Variants in ENTREP2 observed in about 807,000 individuals in gnomAD.
ENTREP2 encodes the protein protein ENTREP2.
the ENTREP2 span, among the ~76,000 whole-genome samples, chr15:29,440,702 C>T: frequency 1.3e-5 from 2 of 152,172 alleles, no homozygotes; most frequent in African/African-American, 4.8e-5. Context: ...TGACAAGGGG[C>T]CTCCCTGCCT....
the ENTREP2 span, among the ~76,000 whole-genome samples, chr15:29,364,797 T>C: frequency 6.6e-6 from 1 of 152,144 alleles, no homozygotes; most frequent in Non-Finnish European, 1.5e-5. Context: ...CAGCAAAAGT[T>C]AGCAAAAGGT....
At chr15:29,249,858 A>C in the ENTREP2 span, among the ~76,000 whole-genome samples, 1 of 152,106 alleles carries the variant, frequency 6.6e-6, no homozygotes, top group Admixed American at 6.5e-5. Flanking sequence ...ATCATGGTGG[A>C]AAGTGAAGGG....
chr15:29,507,978 A>G, the ENTREP2 span, among the ~76,000 whole-genome samples: 2 of 152,116 alleles, frequency 1.3e-5, no homozygotes, highest in African/African-American at 4.8e-5. Flanking sequence ...ATTTTTTGAA[A>G]AGATTAATAA....
At chr15:29,205,128 C>T in the ENTREP2 span, among the ~76,000 whole-genome samples, 1 of 152,198 alleles carries the variant, frequency 6.6e-6, no homozygotes, top group Admixed American at 6.5e-5. Flanking sequence ...AAGGTTCATC[C>T]ATGTGGTAGC....
At chr15:29,605,520 A>G in the ENTREP2 span, among the ~76,000 whole-genome samples, 1 of 152,300 alleles carries the variant, frequency 6.6e-6, no homozygotes, top group South Asian at 2.1e-4. Flanking sequence ...TCATTTTTTA[A>G]AAGTCATTTT....
At chr15:29,485,260 T>C in the ENTREP2 span, among the ~76,000 whole-genome samples, 1 of 152,206 alleles carries the variant, frequency 6.6e-6, no homozygotes, top group Non-Finnish European at 1.5e-5. Flanking sequence ...TGTTTTCATC[T>C]ACCCAAATCC....
chr15:29,174,561 C>G, the ENTREP2 span, among the ~76,000 whole-genome samples: 1 of 152,062 alleles, frequency 6.6e-6, no homozygotes, highest in African/African-American at 2.4e-5. Context: ...TGGTGGCGGG[C>G]GCCTGTATTC....
At chr15:29,455,015 T>C in the ENTREP2 span, among the ~76,000 whole-genome samples, 1 of 152,196 alleles carries the variant, frequency 6.6e-6, no homozygotes, top group Admixed American at 6.5e-5. Flanking sequence ...CGTCTCCACC[T>C]GGGGTAGCTC....
At chr15:29,251,478 G>A in the ENTREP2 span, among the ~76,000 whole-genome samples, 2,423 of 152,328 alleles carry the variant, frequency 0.016, 83 homozygotes, top group African/African-American at 0.055. Flanking sequence ...GGACGGCTTC[G>A]AATGAGGCCC....
At chr15:29,337,134 C>A in the ENTREP2 span, among the ~76,000 whole-genome samples, 443 of 152,260 alleles carry the variant, frequency 2.9e-3, no homozygotes, top group Non-Finnish European at 4.5e-3. Context: ...ATTATGAATT[C>A]CCTGCAGCGT....
chr15:29,271,928 G>A, the ENTREP2 span, among the ~76,000 whole-genome samples: 1 of 152,098 alleles, frequency 6.6e-6, no homozygotes, highest in Non-Finnish European at 1.5e-5. Flanking sequence ...TTAGATAAAA[G>A]CTATTGTCAA....
the ENTREP2 span, among the ~76,000 whole-genome samples, chr15:29,416,190 T>C: frequency 2.6e-5 from 4 of 152,114 alleles, no homozygotes; most frequent in Non-Finnish European, 4.4e-5. Flanking sequence ...CATTGCCAAG[T>C]CAATCCTAAG....
At chr15:29,279,370 AT>A in the ENTREP2 span, among the ~76,000 whole-genome samples, 669 of 144,296 alleles carry the variant, frequency 4.6e-3, 4 homozygotes, top group African/African-American at 0.013. Context: ...TTTAGTTGGG[AT>A]TTTTTTTTTT....
the ENTREP2 span, among the ~76,000 whole-genome samples, chr15:29,395,700 G>T: frequency 2.1e-5 from 3 of 145,608 alleles, no homozygotes; most frequent in Non-Finnish European, 4.5e-5. Flanking sequence ...GCTAGTTTTC[G>T]TATTTTTTTT....
chr15:29,295,827 G>T, the ENTREP2 span, among the ~76,000 whole-genome samples: 1 of 152,164 alleles, frequency 6.6e-6, no homozygotes, highest in East Asian at 1.9e-4. Flanking sequence ...CTGCGACTCA[G>T]AACAGTGGAT....
At chr15:29,502,043 T>C in the ENTREP2 span, among the ~76,000 whole-genome samples, 1 of 151,864 alleles carries the variant, frequency 6.6e-6, no homozygotes, top group Admixed American at 6.6e-5. Context: ...TGAAAATATA[T>C]CTAATGTTAA....
the ENTREP2 span, among the ~76,000 whole-genome samples, chr15:29,478,138 C>T: frequency 6.7e-6 from 1 of 149,532 alleles, no homozygotes; most frequent in African/African-American, 2.5e-5. Context: ...CATTCTCCTG[C>T]CTCAGCCTCC....
chr15:29,422,771 A>AG, the ENTREP2 span, among the ~76,000 whole-genome samples: 15 of 152,216 alleles, frequency 9.9e-5, no homozygotes, highest in Non-Finnish European at 1.9e-4. Flanking sequence ...TGTGAAACTT[A>AG]GGTAAGAGAG....
chr15:29,657,262 T>C, the ENTREP2 span, among the ~76,000 whole-genome samples: 1 of 151,524 alleles, frequency 6.6e-6, no homozygotes, highest in Non-Finnish European at 1.5e-5. Flanking sequence ...GGTTTCACCG[T>C]ATTAGCCAGG....
Sources: allele counts gnomAD v4.1 joint callset (sites outside exome capture counted in the v4.1 genomes callset), GRCh38; gene constraint gnomAD v4.1.1; transcripts MANE v1.5; gene names NCBI Gene and HGNC (gene_info 2026-07-23, HGNC 2026-07-21).